The following TMEM117 variants were observed in gnomAD, a reference collection of about 807,000 sequenced individuals.
The protein encoded by TMEM117 is transmembrane protein 117.
In TMEM117, 27 loss-of-function variants were observed where a neutral mutation model predicts 52.4. The observed-to-expected ratio is 0.51, with a 90% CI of 0.38 to 0.71. TMEM117 has a LOEUF of 0.71. Among genes scored for constraint, TMEM117 ranks in the 30% least tolerant of loss-of-function variants. The pLI is 0.00. For synonymous variants in TMEM117, 215 were observed against 206.3 expected (o/e 1.04, Z -0.36); for missense variants, 556 against 630.5 (o/e 0.88, Z 1.26).
chr12:43,820,162 AC>A, the TMEM117 span, among the ~76,000 whole-genome samples: 2 of 151,972 alleles, frequency 1.3e-5, no homozygotes, highest in East Asian at 3.9e-4. Context: ...CTGTGGCGCA[AC>A]CTCGGCTCAC....
At chr12:44,032,871 C>G (rs114457407) in intron 3 of TMEM117, among the ~76,000 whole-genome samples, 2 of 151,950 alleles carry the variant, frequency 1.3e-5, no homozygotes, top group Non-Finnish European at 2.9e-5. Flanking sequence ...CTCTGCAACC[C>G]GTAGGATTAA....
chr12:43,914,934 A>T (rs939670960), intron 2 of TMEM117, among the ~76,000 whole-genome samples: 1 of 152,152 alleles, frequency 6.6e-6, no homozygotes, highest in African/African-American at 2.4e-5. Flanking sequence ...CTCACTGTAC[A>T]TCTGCATATC....
chr12:44,197,339 G>T (rs1051628239), intron 4 of TMEM117, among the ~76,000 whole-genome samples: 2 of 151,666 alleles, frequency 1.3e-5, no homozygotes, highest in African/African-American at 4.8e-5. Flanking sequence ...ATGGTATATC[G>T]TACATAATTA....
chr12:43,807,154 A>G, the TMEM117 span, among the ~76,000 whole-genome samples: 10 of 152,046 alleles, frequency 6.6e-5, no homozygotes, highest in African/African-American at 2.4e-5. Context: ...CTGCTTCTCT[A>G]CTGCTACTAG....
intron 3 of TMEM117, among the ~76,000 whole-genome samples, chr12:43,968,958 A>G (rs1333435755): frequency 3.3e-5 from 5 of 152,136 alleles, no homozygotes; most frequent in Non-Finnish European, 5.9e-5. Flanking sequence ...ATGTCCTTTT[A>G]GTAGGAAATG....
At chr12:44,284,026 G>A (rs114732932) in intron 5 of TMEM117, among the ~76,000 whole-genome samples, 1 of 152,066 alleles carries the variant, frequency 6.6e-6, no homozygotes, top group Non-Finnish European at 1.5e-5. Flanking sequence ...TGTAAGAAGT[G>A]CCTTTTGGCC....
chr12:44,237,690 C>T (rs751624475), intron 5 of TMEM117, among the ~76,000 whole-genome samples: 34 of 151,862 alleles, frequency 2.2e-4, no homozygotes, highest in Non-Finnish European at 2.9e-4. Context: ...GCACTCCCGC[C>T]TGGGAGACAG....
chr12:44,057,110 T>TA, intron 3 of TMEM117, among the ~76,000 whole-genome samples: 1 of 152,308 alleles, frequency 6.6e-6, no homozygotes, highest in South Asian at 2.1e-4. Context: ...CTTTAAAAGT[T>TA]ATATTTTACT....
At chr12:44,057,797 T>G (rs1163584193) in intron 3 of TMEM117, among the ~76,000 whole-genome samples, 1 of 152,210 alleles carries the variant, frequency 6.6e-6, no homozygotes, top group Non-Finnish European at 1.5e-5. Flanking sequence ...GTTGCTTGAT[T>G]TATTTATCTA....
intron 4 of TMEM117, among the ~76,000 whole-genome samples, chr12:44,152,309 TAATC>T (rs1272161902): frequency 9.4e-6 from 1 of 106,090 alleles, no homozygotes; most frequent in African/African-American, 4.3e-5. Context: ...TATTTATATA[TAATC>T]ATATCATATA....
At chr12:44,035,309 A>G (rs1338408608) in intron 3 of TMEM117, among the ~76,000 whole-genome samples, 6 of 152,252 alleles carry the variant, frequency 3.9e-5, no homozygotes, top group African/African-American at 1.2e-4. Flanking sequence ...AAACAAAGGA[A>G]TTGAGTAGAT....
chr12:43,861,361 T>TAAC (rs1943486173), intron 2 of TMEM117, among the ~76,000 whole-genome samples: 1 of 152,198 alleles, frequency 6.6e-6, no homozygotes, highest in African/African-American at 2.4e-5. Flanking sequence ...TTCCCTGTTA[T>TAAC]AACCCCAGCC....
intron 2 of TMEM117, among the ~76,000 whole-genome samples, chr12:43,924,706 A>G (rs1806110682): frequency 6.6e-6 from 1 of 152,312 alleles, no homozygotes; most frequent in East Asian, 1.9e-4. Context: ...TGTTATTTCC[A>G]TGCTTCAAGT....
chr12:44,361,963 C>A (rs943449456), intron 6 of TMEM117, among the ~76,000 whole-genome samples: 1 of 152,066 alleles, frequency 6.6e-6, no homozygotes, highest in Non-Finnish European at 1.5e-5. Context: ...CATTGTATTT[C>A]TAAGATCTAG....
At chr12:44,000,901 T>C (rs1487009484) in intron 3 of TMEM117, among the ~76,000 whole-genome samples, 2 of 151,936 alleles carry the variant, frequency 1.3e-5, no homozygotes, top group Non-Finnish European at 2.9e-5. Flanking sequence ...GATTCCTGGG[T>C]GTTGAGGTCA....
At chr12:44,214,681 G>A (rs1949693161) in intron 5 of TMEM117, among the ~76,000 whole-genome samples, 1 of 152,056 alleles carries the variant, frequency 6.6e-6, no homozygotes, top group African/African-American at 2.4e-5. Flanking sequence ...TGTTTTCACT[G>A]TTATATTTCA....
intron 5 of TMEM117, among the ~76,000 whole-genome samples, chr12:44,296,629 A>G (rs1950772907): frequency 6.6e-6 from 1 of 152,232 alleles, no homozygotes; most frequent in South Asian, 2.1e-4. Context: ...TTCAGCATCT[A>G]CAGTGGGACC....
At chr12:44,362,845 T>A (rs199689993) in intron 6 of TMEM117, among the ~76,000 whole-genome samples, 19 of 140,934 alleles carry the variant, frequency 1.3e-4, no homozygotes, top group South Asian at 2.3e-4. Flanking sequence ...TTTTTTTTTT[T>A]ATTTTTTTGG....
chr12:44,060,374 C>T lies in TMEM117; in HGVS notation c.411-83151C>T, dbSNP rs148391771. On this transcript the variant is annotated intron_variant, in intron 3 of 7. Transcript: ENST00000266534. Reference sequence around the variant, plus strand: ...GGAATTTGTCTAGTCTTTGAAGGAACTTAGAATTTAAGTTACAGTTGCGGG... The same window carrying T: ...GGAATTTGTCTAGTCTTTGAAGGAATTTAGAATTTAAGTTACAGTTGCGGG... Among the ~76,000 whole-genome samples the T allele has an allele frequency of 3.7e-4, 57 of 152,256 alleles. 2 individuals carry two copies. Among genetic ancestry groups the T allele is most frequent in the African/African-American group, 1.3e-3 (53 of 41,544 alleles).
Sources: gnomAD v4.1 joint callset for allele counts (sites outside exome capture counted in the v4.1 genomes callset) on GRCh38, gnomAD v4.1.1 for gene constraint, MANE v1.5 for transcripts, NCBI Gene and HGNC (gene_info 2026-07-23, HGNC 2026-07-21) for gene names.